PCNX2: variants seen among roughly 807,000 people sequenced by gnomAD.
PCNX2 encodes the protein pecanex-like protein 2.
PCNX2 carries 168 observed loss-of-function variants against 223.8 expected under a neutral mutation model. That is an observed-to-expected ratio of 0.75 (90% CI 0.66 to 0.85). The LOEUF (loss-of-function observed/expected upper bound fraction) is 0.85. PCNX2 is among the 40% of genes least tolerant of loss of function. PCNX2 has a pLI of 0.00. For missense variants in PCNX2, 2,507 were observed against 2,675.5 expected (o/e 0.94, Z 1.39); for synonymous variants, 1,006 against 1,052.6 (o/e 0.96, Z 0.86).
intron 10 of PCNX2, among the ~76,000 whole-genome samples, chr1:233,224,850 C>G (rs568723683): frequency 3.0e-4 from 45 of 152,062 alleles, no homozygotes; most frequent in Admixed American, 5.9e-4. Flanking sequence ...AACACAGGAA[C>G]AGAAAACCAA....
chr1:233,241,025 G>A (rs1236758140), intron 8 of PCNX2, among the ~76,000 whole-genome samples: 2 of 152,182 alleles, frequency 1.3e-5, no homozygotes, highest in Non-Finnish European at 2.9e-5. Context: ...GCTTCCTCCA[G>A]GGACATGGGC....
intron 19 of PCNX2, among the ~76,000 whole-genome samples, chr1:233,150,825 A>G (rs1359053133): frequency 6.6e-6 from 1 of 152,190 alleles, no homozygotes; most frequent in Non-Finnish European, 1.5e-5. Flanking sequence ...ACTCGGCAGA[A>G]TCAGTGTGAA....
At chr1:233,203,700 T>C (rs1558339858) in intron 13 of PCNX2, among the ~76,000 whole-genome samples, 2 of 152,264 alleles carry the variant, frequency 1.3e-5, no homozygotes, top group East Asian at 3.9e-4. Flanking sequence ...GCTCAGGCAT[T>C]TGATCTCTTC....
intron 22 of PCNX2, among the ~76,000 whole-genome samples, chr1:233,091,242 T>C (rs1401619754): frequency 2.0e-5 from 3 of 152,182 alleles, no homozygotes; most frequent in Admixed American, 6.5e-5. Flanking sequence ...AAGGCTGATC[T>C]TCCTGCTGGG....
At chr1:233,233,850 C>G (rs1333939959) in intron 9 of PCNX2, among the ~76,000 whole-genome samples, 4 of 152,002 alleles carry the variant, frequency 2.6e-5, no homozygotes, top group Admixed American at 2.0e-4. Context: ...ACACTGAGCA[C>G]ACCTGCTTTC....
rs1670587830 is a variant in PCNX2 at position 233,014,676 on chromosome 1, A to C, written c.4941T>G (p.Asn1647Lys). 6.2e-7 allele frequency: 1 copy of C among 1,613,902 alleles called. No individual in the cohort carries two copies. The highest frequency in any genetic ancestry group is 8.5e-7 in the Non-Finnish European group (1 of 1,179,842). ...CTCCCCCCAGGTACCTGATGGCCAT[A>C]TTGTGAGCGGCTGTTCCCAGAGCTC... is the stretch of plus-strand genomic sequence containing the variant. ...GRRALGTAAH[N>K]MAISLDSFLY... Residue 1647 changes from asparagine (N) to lysine (K), a missense_variant, in exon 28 of 34, where the codon AAT becomes AAG. Asn to Lys is a moderately conservative substitution (Grantham distance 94). Around this residue, in one of 3 missense-constraint regions of PCNX2, gnomAD observed 1,372 missense variants for 1,509.4 expected, o/e 0.91. Coordinates refer to ENST00000258229, the MANE Select transcript of PCNX2 (RefSeq NM_014801.4).
chr1:233,300,646 C>T (rs914326922), upstream of PCNX2, among the ~76,000 whole-genome samples: 15 of 152,212 alleles, frequency 9.9e-5, no homozygotes, highest in African/African-American at 3.4e-4. Flanking sequence ...AGGTCTCCTT[C>T]AGTACATCCC....
intron 25 of PCNX2, among the ~76,000 whole-genome samples, chr1:233,036,600 A>G (rs1214367742): frequency 3.3e-5 from 5 of 151,694 alleles, no homozygotes; most frequent in African/African-American, 1.2e-4. Flanking sequence ...ACTGCACTCC[A>G]GCCTGGGCAA....
At position 233,259,128 on chromosome 1, in the gene PCNX2, C is replaced by T. The variant is rs942258772; in HGVS notation, c.734G>A (p.Gly245Asp). Residue 245 changes from glycine (G) to aspartate (D), a missense_variant, in exon 5 of 34, where the codon GGT (glycine) becomes GAT (aspartate). This residue lies in a region of PCNX2 where 1,031 missense variants were observed against 1,021.7 expected (regional missense o/e 1.01). Transcript: ENST00000258229. ...CAAGGGTCCCTTATCCACTAAGCCA[C>T]CCTCGGATCTGTGGCGCAAAGGAGG... ...GQPPLRHRSE[G>D]GLVDKGPLKK... is the part of the protein sequence containing the mutation. 1 of 1,614,008 alleles carries T rather than the reference C, an allele frequency of 6.2e-7. No individual in the cohort carries two copies. Among genetic ancestry groups the T allele is most frequent in the Non-Finnish European group, 8.5e-7 (1 of 1,179,882 alleles).
intron 19 of PCNX2, 85 bp downstream of exon 19, chr1:233,160,198 A>C (rs1489149527): frequency 7.0e-7 from 1 of 1,431,006 alleles, no homozygotes; most frequent in Non-Finnish European, 9.6e-7. Flanking sequence ...CATTAAGTAC[A>C]TTCAGACTGT....
upstream of PCNX2, among the ~76,000 whole-genome samples, chr1:233,300,552 A>G (rs535035896): frequency 6.6e-6 from 1 of 152,300 alleles, no homozygotes; most frequent in Non-Finnish European, 1.5e-5. Context: ...TGTGTTCAAG[A>G]CACCACAACA....
At chr1:233,127,931 C>G (rs1676196654) in intron 21 of PCNX2, among the ~76,000 whole-genome samples, 1 of 151,956 alleles carries the variant, frequency 6.6e-6, no homozygotes, top group Admixed American at 6.6e-5. Context: ...GTATTTTGAA[C>G]AAGTACTTCT....
rs1234035413 is a variant in PCNX2 at position 232,991,283 on chromosome 1, C to G, written c.5792-4743G>C. On this transcript the variant is annotated intron_variant, in intron 32 of 33. Transcript: ENST00000258229. This position sits in a 1 kb window ranked among gnomAD's most constrained non-coding sequence, Gnocchi z 4.3. ...AGAGGGACACTGGGGACAGAGGAGG[C>G]AGCAGCTGAGGGGGCCCTGGAAAGG... Among the ~76,000 whole-genome samples, 1 of 151,988 alleles carries G rather than the reference C, an allele frequency of 6.6e-6. No homozygotes were observed. Among genetic ancestry groups the G allele is most frequent in the African/African-American group, 2.4e-5 (1 of 41,376 alleles).
chr1:233,276,990 A>C (rs1228889167), intron 1 of PCNX2, among the ~76,000 whole-genome samples: 4 of 152,248 alleles, frequency 2.6e-5, no homozygotes, highest in African/African-American at 9.6e-5. Flanking sequence ...TCAGGGAATA[A>C]TCCTTCAAGG....
Position 232,986,190 on chromosome 1 carries a change from AGAGTCCG to A in PCNX2, c.6135_6141del (p.Gly2046LeufsTer20). ...CTGGTATTGCCCCCCTCCGCAGCAG[AGAGTCCG>A]GAAATGACGAGCGCGCTGGAAAAGC... On this transcript the variant is annotated frameshift_variant, in exon 33 of 34. Transcript: ENST00000258229. LOFTEE classifies it high-confidence loss of function. 4.5e-6 allele frequency: 7 copies of A among 1,561,174 alleles called. No homozygotes were observed. Among genetic ancestry groups the A allele is most frequent in the Non-Finnish European group, 6.1e-6 (7 of 1,151,976 alleles).
At chr1:233,208,291 G>T (rs1237060331) in intron 13 of PCNX2, among the ~76,000 whole-genome samples, 2 of 152,172 alleles carry the variant, frequency 1.3e-5, no homozygotes, top group Non-Finnish European at 2.9e-5. Flanking sequence ...ACATTATAGT[G>T]CTGCAACTTC....
the PCNX2 span, among the ~76,000 whole-genome samples, chr1:233,308,170 G>A: frequency 6.6e-6 from 1 of 152,142 alleles, no homozygotes; most frequent in South Asian, 2.1e-4. Context: ...AGACATAGGA[G>A]AAGAAGCTGG....
chr1:233,174,620 A>G (rs2102850603), intron 17 of PCNX2, among the ~76,000 whole-genome samples: 2 of 152,206 alleles, frequency 1.3e-5, no homozygotes, highest in Admixed American at 1.3e-4. Flanking sequence ...AGACTGTTTG[A>G]ATTTTACACA....
In PCNX2 at chr1:233,083,030, G is replaced by A. The variant is rs556717010; in HGVS notation, c.4076+7031C>T. Among the ~76,000 whole-genome samples the A allele has an allele frequency of 7.2e-5, 11 of 152,316 alleles. No homozygotes were observed. The East Asian group carries it at 1.9e-3, about 27-fold the overall frequency. ...TTCAGTAAACCACACTCACGCATAA[G>A]ATCAGGATGAAGAAGGGTCAGCTCA... On this transcript the variant is annotated intron_variant, in intron 23 of 33. Coordinates refer to ENST00000258229, the MANE Select transcript of PCNX2 (RefSeq NM_014801.4).
Sources: allele counts gnomAD v4.1 joint callset (sites outside exome capture counted in the v4.1 genomes callset), GRCh38; gene constraint gnomAD v4.1.1; regional missense constraint gnomAD v4.1.1; non-coding constraint Gnocchi (gnomAD v3.1); transcripts MANE v1.5; gene names NCBI Gene and HGNC (gene_info 2026-07-23, HGNC 2026-07-21).